Variants in KDM5A observed in about 807,000 individuals in gnomAD.
KDM5A encodes lysine-specific demethylase 5A.
In KDM5A, 42 loss-of-function variants were observed where a neutral mutation model predicts 193.5. The ratio of observed to expected loss-of-function variants is 0.22; its 90% CI spans 0.17 to 0.28. The LOEUF is 0.28. Among genes scored for constraint, KDM5A ranks in the 10% least tolerant of loss-of-function variants. KDM5A has a pLI of 1.00. For missense variants in KDM5A, 1,692 were observed against 2,055.1 expected (o/e 0.82, Z 3.42); for synonymous variants, 796 against 718.1 (o/e 1.11, Z -1.73).
At chr12:318,534 G>A in intron 18 of KDM5A, 73 bp from the exon 19 acceptor site, 1 of 1,106,918 alleles carries the variant, frequency 9.0e-7, no homozygotes, top group Non-Finnish European at 1.4e-6. Flanking sequence ...AATAGACATA[G>A]TCAAGGCAAA....
At chr12:377,514 GAATT>G (rs886618964) in intron 3 of KDM5A, among the ~76,000 whole-genome samples, 1 of 151,564 alleles carries the variant, frequency 6.6e-6, no homozygotes, top group Non-Finnish European at 1.5e-5. Flanking sequence ...AAAAAAACAA[GAATT>G]AATATAGCAT....
intron 9 of KDM5A, 87 bp downstream of exon 9, chr12:352,118 A>AC: frequency 1.0e-6 from 1 of 959,018 alleles, no homozygotes; most frequent in African/African-American, 1.7e-5. Flanking sequence ...AAAAAAAAAA[A>AC]AAAAAAAAAA....
intron 20 of KDM5A, 132 bp downstream of exon 20, chr12:312,924 A>G: frequency 1.8e-6 from 2 of 1,086,146 alleles, no homozygotes; most frequent in East Asian, 5.1e-5. Flanking sequence ...TAAAGTCTAA[A>G]AATCACAAAT....
At chr12:295,831 T>G in intron 25 of KDM5A, 38 bp from the exon 26 acceptor site, 1 of 1,571,642 alleles carries the variant, frequency 6.4e-7, no homozygotes, top group East Asian at 2.2e-5. Context: ...GCAAAAAAAA[T>G]TAAAACTATG....
intron 5 of KDM5A, among the ~76,000 whole-genome samples, chr12:359,192 G>C (rs945607770): frequency 2.0e-5 from 3 of 152,108 alleles, no homozygotes; most frequent in African/African-American, 7.2e-5. Flanking sequence ...ATTAGAGTGT[G>C]AATGCAAAAT....
chr12:374,958 T>C (rs1273021238), intron 3 of KDM5A, among the ~76,000 whole-genome samples: 2 of 152,226 alleles, frequency 1.3e-5, no homozygotes, highest in Non-Finnish European at 2.9e-5. Flanking sequence ...GTTAGTCTGA[T>C]GGGCTTCCCT....
intron 27 of KDM5A, among the ~76,000 whole-genome samples, 188 bp from the exon 28 acceptor site, chr12:285,850 A>C (rs995905066): frequency 6.6e-6 from 1 of 152,238 alleles, no homozygotes; most frequent in Non-Finnish European, 1.5e-5. Flanking sequence ...ATTATATTTC[A>C]CCATAGTGTG....
chr12:312,453 A>G (rs551283591), intron 20 of KDM5A, among the ~76,000 whole-genome samples: 9 of 152,300 alleles, frequency 5.9e-5, no homozygotes, highest in African/African-American at 1.9e-4. Context: ...ATGGAAAAAA[A>G]TTTGAAGAAT....
intron 22 of KDM5A, 146 bp downstream of exon 22, chr12:309,657 T>C (rs1943556909): frequency 1.2e-6 from 1 of 852,634 alleles, no homozygotes; most frequent in South Asian, 1.7e-5. Context: ...ATTATAAATA[T>C]TTACTTTTAA....
Position 281,561 on chromosome 12 carries a change from G to A in KDM5A, c.*3895C>T. 1.7e-5 allele frequency: 4 copies of A among 233,176 alleles called. No homozygotes were observed. The highest frequency in any genetic ancestry group is 3.4e-5 in the Non-Finnish European group (4 of 118,004). The allele number at this position is 233,176 out of a possible 1,614,324, so 14.4% of individuals were successfully genotyped here. ...TAAAAAAAAAGGAGGAATTTCAAAA[G>A]GAGTACTTAAGGACCTGCTATAAAA... On this transcript the variant is annotated 3_prime_UTR_variant, in exon 28 of 28. Coordinates refer to ENST00000399788, the MANE Select transcript of KDM5A (RefSeq NM_001042603.3).
intron 10 of KDM5A, among the ~76,000 whole-genome samples, chr12:349,330 C>CG (rs1555135666): frequency 2.5e-5 from 3 of 117,698 alleles, no homozygotes; most frequent in African/African-American, 1.0e-4. Flanking sequence ...ATCTTCTAGA[C>CG]TTTTTTTTTT....
intron 6 of KDM5A, 39 bp from the exon 7 acceptor site, chr12:355,288 T>C (rs377336166): frequency 2.7e-6 from 3 of 1,098,142 alleles, no homozygotes; most frequent in East Asian, 4.7e-5. Flanking sequence ...TAAAAACCAA[T>C]GTTGAGAGCT....
chr12:312,189 T>G (rs1384376754), intron 20 of KDM5A, among the ~76,000 whole-genome samples: 1 of 152,186 alleles, frequency 6.6e-6, no homozygotes. Context: ...CGAGTACACT[T>G]TTATCTCTAT....
Position 318,344 on chromosome 12 carries a change from C to T in KDM5A, c.2659G>A (p.Glu887Lys), listed in dbSNP as rs755894154. The T allele has an allele frequency of 2.5e-6, 4 of 1,614,134 alleles. No homozygotes were observed. In the Admixed American group the frequency reaches 6.7e-5, roughly 27 times the overall value. The change falls in exon 19 of 28, where the codon GAA becomes AAA. Residue 887 changes from glutamate (E) to lysine (K), a missense_variant. Physicochemically the swap from Glu to Lys is moderately conservative, Grantham distance 56. Coordinates refer to ENST00000399788, the MANE Select transcript of KDM5A (RefSeq NM_001042603.3). ...LIDMGSSLYV[E>K]LPELPRLKQE... ...TTCAGTCGTGGTAATTCAGGGAGTT[C>T]CACATAGAGACTAGAGCCCATATCT...
At chr12:388,164 T>C (rs1221550699) in intron 1 of KDM5A, 4 of 386,940 alleles carry the variant, frequency 1.0e-5, no homozygotes. Context: ...ACCTTTGACC[T>C]TGAGTAATCA....
rs1450906855 is a variant in KDM5A at position 285,503 on chromosome 12, T to C, written c.5026A>G (p.Ile1676Val). The change falls in exon 28 of 28, where the codon ATA becomes GTA. Residue 1676 changes from isoleucine (I) to valine (V), a missense_variant. Ile to Val is a conservative substitution (Grantham distance 29, BLOSUM62 3). Transcript: ENST00000399788. ...TCCATTGGTAGTTTGTAGCTCATTA[T>C]GAAGGAAGGAGGTGGTGCTGGACCT... ...SPGPAPPPSF[I>V]MSYKLPMEDL... 1.5e-5 allele frequency: 24 copies of C among 1,613,950 alleles called. No individual in the cohort carries two copies. Among genetic ancestry groups the C allele is most frequent in the Non-Finnish European group, 1.9e-5 (23 of 1,179,956 alleles).
intron 4 of KDM5A, among the ~76,000 whole-genome samples, chr12:364,370 A>G (rs1944326249): frequency 6.6e-6 from 1 of 151,842 alleles, no homozygotes; most frequent in Non-Finnish European, 1.5e-5. Flanking sequence ...TACTCTACTC[A>G]GGAGGCTGAG....
chr12:289,907 CTTTTTTTTTTTTT>C (rs750918968), intron 27 of KDM5A, among the ~76,000 whole-genome samples: 1 of 99,658 alleles, frequency 1.0e-5, no homozygotes, highest in South Asian at 3.6e-4. Flanking sequence ...TTCTTTCTTT[CTTTTTTTTTTTTT>C]TTTTTTTTTT....
intron 10 of KDM5A, among the ~76,000 whole-genome samples, chr12:345,932 G>A (rs1565540841): frequency 6.8e-6 from 1 of 147,778 alleles, no homozygotes; most frequent in African/African-American, 2.7e-5. Context: ...AGAACTGAAA[G>A]ACAGAGAGAC....
Sources: gnomAD v4.1 joint callset for allele counts (sites outside exome capture counted in the v4.1 genomes callset) on GRCh38, gnomAD v4.1.1 for gene constraint, MANE v1.5 for transcripts, NCBI Gene and HGNC (gene_info 2026-07-23, HGNC 2026-07-21) for gene names.